C2orf80: variants seen among roughly 807,000 people sequenced by gnomAD.
C2orf80 encodes uncharacterized protein C2orf80.
Under a neutral mutation model 30.2 loss-of-function variants are expected in C2orf80, and 28 were observed. That is an observed-to-expected ratio of 0.93 (90% CI 0.69 to 1.27). The LOEUF is 1.27. Ranked by LOEUF, C2orf80 falls within the 50% of genes most tolerant of loss-of-function variation. The pLI, the probability that C2orf80 is intolerant of heterozygous loss-of-function variation, is 0.00. For missense variants in C2orf80, 220 were observed against 231.0 expected, an observed-to-expected ratio of 0.95 and a Z score of 0.31; for synonymous variants, 80 against 76.4, an observed-to-expected ratio of 1.05 and a Z score of -0.24.
Position 208,170,301 on chromosome 2 carries a change from T to C in C2orf80, c.573+644A>G, listed in dbSNP as rs143344328. 8.1e-3 allele frequency among the ~76,000 whole-genome samples: 1,237 copies of C among 152,242 alleles called. 17 individuals are homozygous for C. The highest frequency in any genetic ancestry group is 0.027 in the African/African-American group (1,127 of 41,572). ...AGAGAAGTCTCTCTGACTTCTTAAA[T>C]TTTCTCTTCACTTTGCACATTACAG... is the stretch of plus-strand genomic sequence containing the variant. On this transcript the variant is annotated intron_variant, in intron 8 of 8. Transcript: ENST00000341287.
In C2orf80 at chr2:208,179,750, G is replaced by A. The variant is rs186742290; in HGVS notation, c.366+995C>T. 1.6e-3 allele frequency among the ~76,000 whole-genome samples: 237 copies of A among 151,500 alleles called. 2 individuals carry two copies. Among genetic ancestry groups the A allele is most frequent in the African/African-American group, 5.5e-3 (228 of 41,290 alleles). ...TCATATGGAGGCCCGAAAGGGGAAA[G>A]GGACGCATCTAGGGTTTCATAGTAG... On this transcript the variant is annotated intron_variant, in intron 6 of 8. Coordinates refer to ENST00000341287, the MANE Select transcript of C2orf80 (RefSeq NM_001099334.3).
intron 3 of C2orf80, among the ~76,000 whole-genome samples, chr2:208,184,369 AGTC>A (rs1696652116): frequency 6.6e-6 from 1 of 152,212 alleles, no homozygotes; most frequent in South Asian, 2.1e-4. Context: ...GCTCTACTTT[AGTC>A]GGAGAAGAAG....
At chr2:208,170,798 C>G in intron 8 of C2orf80, 147 bp downstream of exon 8, 1 of 676,832 alleles carries the variant, frequency 1.5e-6, no homozygotes, top group Non-Finnish European at 2.7e-6. Context: ...AGTATCTTGC[C>G]TGATGTCCCA....
chr2:208,173,908 G>C (rs966372498), intron 6 of C2orf80, among the ~76,000 whole-genome samples: 3 of 151,898 alleles, frequency 2.0e-5, no homozygotes, highest in Admixed American at 6.6e-5. Context: ...TGTTCATTTG[G>C]ACACAATTAA....
intron 4 of C2orf80, among the ~76,000 whole-genome samples, 182 bp from the exon 5 acceptor site, chr2:208,181,487 T>C (rs1696558008): frequency 6.6e-6 from 1 of 152,186 alleles, no homozygotes; most frequent in Non-Finnish European, 1.5e-5. Flanking sequence ...TTTTTAATCT[T>C]CCAATAATGG....
chr2:208,177,776 T>C (rs1318258379), intron 6 of C2orf80, among the ~76,000 whole-genome samples: 5 of 152,072 alleles, frequency 3.3e-5, no homozygotes, highest in Non-Finnish European at 7.4e-5. Flanking sequence ...CACTTCTACA[T>C]GGCCTGTCTT....
chr2:208,172,452 CTCTCCCTTGCTGGCACAGT>C (rs1476619309), intron 6 of C2orf80, among the ~76,000 whole-genome samples: 4 of 151,926 alleles, frequency 2.6e-5, no homozygotes, highest in Non-Finnish European at 5.9e-5. Flanking sequence ...CCCACACCCA[CTCTCCCTTGCTGGCACAGT>C]TCCCCCTGCC....
chr2:208,166,854 G>A (rs1211952606), intron 8 of C2orf80, among the ~76,000 whole-genome samples: 1 of 152,092 alleles, frequency 6.6e-6, no homozygotes, highest in Non-Finnish European at 1.5e-5. Flanking sequence ...GTTTCACCAT[G>A]TTAGCCAGGA....
intron 8 of C2orf80, among the ~76,000 whole-genome samples, chr2:208,170,514 A>T: frequency 6.6e-6 from 1 of 152,240 alleles, no homozygotes; most frequent in East Asian, 1.9e-4. Flanking sequence ...GGGATCAAGG[A>T]TAGAAACATT....
intron 4 of C2orf80, among the ~76,000 whole-genome samples, chr2:208,181,666 G>A (rs778833167): frequency 6.6e-6 from 1 of 152,054 alleles, no homozygotes; most frequent in South Asian, 2.1e-4. Flanking sequence ...TGCTTCTAGG[G>A]AAGCTGACTA....
intron 6 of C2orf80, among the ~76,000 whole-genome samples, chr2:208,175,939 C>T (rs926106704): frequency 1.8e-4 from 27 of 152,204 alleles, no homozygotes; most frequent in African/African-American, 5.5e-4. Context: ...CCTGAACTGG[C>T]GTTCTGGAGG....
intron 5 of C2orf80, 50 bp downstream of exon 5, chr2:208,181,168 C>T (rs1297427519): frequency 1.6e-6 from 2 of 1,226,446 alleles, no homozygotes; most frequent in South Asian, 2.5e-5. Context: ...TAAAAATGCT[C>T]AGAGTAGATA....
At position 208,186,464 on chromosome 2, in the gene C2orf80, T is replaced by G. The variant is rs1696720863; in HGVS notation, c.41+482A>C. ...GGAAAACATTTCTTTCACAGGAAAC[T>G]TGATGTTTTCTGTGTTCGTTTTAAA... On this transcript the variant is annotated intron_variant, in intron 2 of 8. Coordinates refer to ENST00000341287, the MANE Select transcript of C2orf80 (RefSeq NM_001099334.3). Among the ~76,000 whole-genome samples the G allele has an allele frequency of 2.0e-5, 3 of 152,296 alleles. No homozygotes were observed. The South Asian group carries it at 6.2e-4, about 32-fold the overall frequency.
intron 2 of C2orf80, among the ~76,000 whole-genome samples, chr2:208,186,621 G>A (rs1022826798): frequency 3.3e-5 from 5 of 152,144 alleles, no homozygotes; most frequent in Non-Finnish European, 7.4e-5. Flanking sequence ...TTACCAGCAG[G>A]GCCAGCCCCT....
chr2:208,173,137 A>AAAC (rs1553596263), intron 6 of C2orf80, among the ~76,000 whole-genome samples: 3 of 151,408 alleles, frequency 2.0e-5, no homozygotes, highest in African/African-American at 7.3e-5. Context: ...AAAAAAAAAA[A>AAAC]AAAAAAACTC....
In C2orf80 at chr2:208,171,066, A is replaced by G. The variant is rs758739575; in HGVS notation, c.455-3T>C. ...TGTTACCTTTCTTGACTTGACACCTACAGACAGATGCAGTAACCATATCTG... is the reference window on the plus strand; with the variant it reads ...TGTTACCTTTCTTGACTTGACACCTGCAGACAGATGCAGTAACCATATCTG... On this transcript the variant is annotated splice_region_variant and splice_polypyrimidine_tract_variant and intron_variant, in intron 7 of 8. Transcript: ENST00000341287. 13 of 1,600,248 alleles carry G rather than the reference A, an allele frequency of 8.1e-6. No homozygotes were observed. The South Asian group carries it at 1.3e-4, about 16-fold the overall frequency.
Position 208,173,803 on chromosome 2 carries a change from T to G in C2orf80, c.367-1728A>C, listed in dbSNP as rs182949150. On this transcript the variant is annotated intron_variant, in intron 6 of 8. Transcript: ENST00000341287. ...GAAGGGTATGAGACAGGAGAGGGTA[T>G]GCAGAGAGCTTTAAAGCTGTTAATA... Among the ~76,000 whole-genome samples, 24 of 152,250 alleles carry G rather than the reference T, an allele frequency of 1.6e-4. No individual in the cohort carries two copies. The East Asian group carries it at 4.2e-3, about 27-fold the overall frequency.
chr2:208,168,660 CAAA>C (rs67224423), intron 8 of C2orf80, among the ~76,000 whole-genome samples: 62,629 of 98,850 alleles, frequency 0.63, 19,336 homozygotes, highest in Middle Eastern at 0.78. Context: ...GACTCCGTCT[CAAA>C]AAAAAAAAAA....
At chr2:208,175,272 G>A (rs1388221967) in intron 6 of C2orf80, among the ~76,000 whole-genome samples, 2 of 151,404 alleles carry the variant, frequency 1.3e-5, no homozygotes, top group Non-Finnish European at 2.9e-5. Flanking sequence ...TCAAGCCTGC[G>A]TGACAGAGTG....
Sources: gnomAD v4.1 joint callset for allele counts (sites outside exome capture counted in the v4.1 genomes callset) on GRCh38, gnomAD v4.1.1 for gene constraint, MANE v1.5 for transcripts, NCBI Gene and HGNC (gene_info 2026-07-23, HGNC 2026-07-21) for gene names.